The following LMX1A variants were observed in gnomAD, a reference collection of about 807,000 sequenced individuals.
LMX1A encodes the protein LIM homeobox transcription factor 1-alpha.
LMX1A carries 15 observed loss-of-function variants against 49.1 expected under a neutral mutation model. The ratio of observed to expected loss-of-function variants is 0.31; its 90% CI spans 0.20 to 0.47. The LOEUF is 0.47. LMX1A is among the 20% of genes least tolerant of loss of function. The pLI is 1.00. For synonymous variants in LMX1A, 167 were observed against 185.7 expected (o/e 0.90, Z 0.82); for missense variants, 372 against 475.8 (o/e 0.78, Z 2.03).
rs559843284 is a variant in LMX1A at position 165,281,766 on chromosome 1, G to GTGTC, written c.264-32127_264-32126insGACA. 3.5e-3 allele frequency among the ~76,000 whole-genome samples: 536 copies of GTGTC among 152,164 alleles called. 3 individuals carry two copies. Among genetic ancestry groups the GTGTC allele is most frequent in the African/African-American group, 0.012 (509 of 41,510 alleles). The stretch of plus-strand genomic sequence containing the variant: ...TGTGTATGTGTGTGTGTGTGTGTGT[G>GTGTC]TGTGTGTGTGAAGCCACTGTCCTTT... On this transcript the variant is annotated intron_variant, in intron 3 of 8. Transcript: ENST00000342310.
chr1:165,289,671 G>A (rs1162282604), intron 3 of LMX1A, among the ~76,000 whole-genome samples: 1 of 152,230 alleles, frequency 6.6e-6, no homozygotes, highest in Non-Finnish European at 1.5e-5. Context: ...CTCTGGATAC[G>A]GAGTCAGAGA....
At chr1:165,271,626 G>T (rs1571193040) in intron 3 of LMX1A, among the ~76,000 whole-genome samples, 1 of 152,110 alleles carries the variant, frequency 6.6e-6, no homozygotes, top group East Asian at 1.9e-4. Context: ...CACAGGTCTT[G>T]GGCAGTGGCC....
intron 3 of LMX1A, among the ~76,000 whole-genome samples, chr1:165,253,903 A>C (rs1168432128): frequency 2.0e-5 from 3 of 152,028 alleles, no homozygotes; most frequent in Admixed American, 6.5e-5. Context: ...TCCTTTGACT[A>C]TTTGCCTTGA....
At chr1:165,292,384 A>T (rs1654500712) in intron 3 of LMX1A, among the ~76,000 whole-genome samples, 1 of 152,256 alleles carries the variant, frequency 6.6e-6, no homozygotes, top group Non-Finnish European at 1.5e-5. Flanking sequence ...AGCTGGAAGC[A>T]AAGCTCCGGA....
chr1:165,354,485 C>T (rs1202661704), intron 2 of LMX1A, among the ~76,000 whole-genome samples: 1 of 152,186 alleles, frequency 6.6e-6, no homozygotes, highest in Non-Finnish European at 1.5e-5. Context: ...GTACTGCCTG[C>T]TCTGGCTTCC....
intron 3 of LMX1A, among the ~76,000 whole-genome samples, chr1:165,349,593 G>C (rs1203894290): frequency 2.6e-5 from 4 of 151,702 alleles, no homozygotes; most frequent in African/African-American, 9.7e-5. Flanking sequence ...TAGTAAATCA[G>C]TGTTCTACAC....
chr1:165,234,745 A>G (rs1256653733), intron 4 of LMX1A, among the ~76,000 whole-genome samples: 1 of 152,244 alleles, frequency 6.6e-6, no homozygotes, highest in Non-Finnish European at 1.5e-5. Context: ...TGGGTAGATA[A>G]TTCATGAAAG....
chr1:165,256,528 T>C (rs945774701), intron 3 of LMX1A, among the ~76,000 whole-genome samples: 8 of 152,152 alleles, frequency 5.3e-5, no homozygotes, highest in African/African-American at 1.2e-4. Context: ...TGCCTTGCTA[T>C]GGTAATTCTT....
intron 3 of LMX1A, among the ~76,000 whole-genome samples, chr1:165,306,363 G>C (rs1654921334): frequency 6.6e-6 from 1 of 152,158 alleles, no homozygotes; most frequent in Non-Finnish European, 1.5e-5. Context: ...GTGAGTGTGT[G>C]GTTTGGCTTC....
Position 165,355,736 on chromosome 1 carries a change from G to A in LMX1A, c.-22-155C>T. 1 of 619,554 alleles carries A rather than the reference G, an allele frequency of 1.6e-6. No individual in the cohort carries two copies. Among genetic ancestry groups the A allele is most frequent in the East Asian group, 2.8e-5 (1 of 36,322 alleles). 38.4% of individuals were successfully genotyped at this position (619,554 alleles called of 1,614,324 possible). A position where few individuals can be genotyped will look rare whatever the true frequency, so the allele number is the denominator to read the frequency against. On this transcript the variant is annotated intron_variant, in intron 1 of 8. Transcript: ENST00000342310. The surrounding 1 kb of genome is among the most constrained non-coding windows in gnomAD (Gnocchi z 4.7). Reference sequence around the variant, plus strand: ...CCAGCCAAGAGAATGTAGGGTGGGAGGAGAGATCAGTCACAGCGAACTGCT... The same window carrying A: ...CCAGCCAAGAGAATGTAGGGTGGGAAGAGAGATCAGTCACAGCGAACTGCT...
intron 3 of LMX1A, among the ~76,000 whole-genome samples, chr1:165,329,213 C>T (rs547677744): frequency 9.2e-5 from 14 of 152,176 alleles, no homozygotes; most frequent in Non-Finnish European, 1.5e-4. Flanking sequence ...ATCATCAGCT[C>T]TTGGGAGAAC....
intron 3 of LMX1A, among the ~76,000 whole-genome samples, chr1:165,301,509 C>A (rs944170882): frequency 2.0e-5 from 3 of 152,202 alleles, no homozygotes; most frequent in Non-Finnish European, 4.4e-5. Flanking sequence ...AGCTAACATT[C>A]CTGCTTACTC....
chr1:165,311,381 C>T lies in LMX1A; in HGVS notation c.263+41695G>A, dbSNP rs192828893. Among the ~76,000 whole-genome samples, 18 of 152,332 alleles carry T rather than the reference C, an allele frequency of 1.2e-4. 1 individual carries two copies. The highest frequency in any genetic ancestry group is 1.2e-3 in the Admixed American group (18 of 15,310). On this transcript the variant is annotated intron_variant, in intron 3 of 8. Transcript: ENST00000342310. ...TGTGTGACAAGAAGCCTCCTCTCAA[C>T]TGGATAGTGAAATCATCAGAAGTTC...
intron 3 of LMX1A, among the ~76,000 whole-genome samples, chr1:165,337,610 A>G (rs1432924686): frequency 1.3e-5 from 2 of 152,146 alleles, no homozygotes; most frequent in Non-Finnish European, 1.5e-5. Context: ...CCCTGACTGC[A>G]TTCCCTATTG....
At chr1:165,209,137 C>T (rs1300513941) in intron 6 of LMX1A, among the ~76,000 whole-genome samples, 2 of 152,164 alleles carry the variant, frequency 1.3e-5, no homozygotes, top group Non-Finnish European at 2.9e-5. Flanking sequence ...TTTATGAATC[C>T]ATAGGCTATA....
At chr1:165,270,236 T>G (rs56274812) in intron 3 of LMX1A, among the ~76,000 whole-genome samples, 54,332 of 151,788 alleles carry the variant, frequency 0.36, 10,183 homozygotes, top group African/African-American at 0.44. Flanking sequence ...CTACCTGGCA[T>G]GGCTCTGTCC....
At chr1:165,301,496 C>T (rs1039239519) in intron 3 of LMX1A, among the ~76,000 whole-genome samples, 4 of 152,188 alleles carry the variant, frequency 2.6e-5, no homozygotes, top group African/African-American at 7.2e-5. Context: ...CTGCATCATA[C>T]CAAGCTAACA....
At chr1:165,218,110 C>A (rs1235352971) in intron 4 of LMX1A, among the ~76,000 whole-genome samples, 1 of 152,192 alleles carries the variant, frequency 6.6e-6, no homozygotes, top group Admixed American at 6.5e-5. Flanking sequence ...AGGCATCAGG[C>A]CAGATTTGGC....
In LMX1A at chr1:165,287,216, C is replaced by T. The variant is rs111956132; in HGVS notation, c.264-37576G>A. 2.4e-3 allele frequency among the ~76,000 whole-genome samples: 369 copies of T among 152,226 alleles called. 1 individual carries two copies. The highest frequency in any genetic ancestry group is 8.2e-3 in the African/African-American group (340 of 41,524). Reference sequence around the variant, plus strand: ...TTCCATAAAATCCACCTGATCCGGTCCAATCATCATATTCTGAAGATGGTT... The same window carrying T: ...TTCCATAAAATCCACCTGATCCGGTTCAATCATCATATTCTGAAGATGGTT... On this transcript the variant is annotated intron_variant, in intron 3 of 8. Coordinates refer to ENST00000342310, the MANE Select transcript of LMX1A (RefSeq NM_177398.4).
Sources: allele counts gnomAD v4.1 joint callset (sites outside exome capture counted in the v4.1 genomes callset), GRCh38; gene constraint gnomAD v4.1.1; non-coding constraint Gnocchi (gnomAD v3.1); transcripts MANE v1.5; gene names NCBI Gene and HGNC (gene_info 2026-07-23, HGNC 2026-07-21).